The following FAM107B variants were observed in gnomAD, a reference collection of about 807,000 sequenced individuals.
The protein encoded by FAM107B is protein FAM107B.
A neutral mutation model predicts 31.5 loss-of-function variants in FAM107B; 21 were observed. The ratio of observed to expected loss-of-function variants is 0.67; its 90% confidence interval spans 0.47 to 0.96. The LOEUF (loss-of-function observed/expected upper bound fraction) is 0.96, where lower values mean the gene tolerates loss of function less well. Among genes scored for constraint, FAM107B ranks in the 40% least tolerant of loss-of-function variants. FAM107B has a pLI of 0.00. For missense variants in FAM107B, 452 were observed against 377.1 expected, an observed-to-expected ratio of 1.20 and a Z score of -1.64; for synonymous variants, 157 against 141.5, an observed-to-expected ratio of 1.11 and a Z score of -0.78.
intron 2 of FAM107B, among the ~76,000 whole-genome samples, chr10:14,535,698 C>A (rs1284396398): frequency 6.6e-6 from 1 of 152,324 alleles, no homozygotes; most frequent in East Asian, 1.9e-4. Flanking sequence ...AAGGGCCTCT[C>A]GTGCTGTTCT....
intron 1 of FAM107B, among the ~76,000 whole-genome samples, chr10:14,733,892 A>G (rs2131563117): frequency 6.6e-6 from 1 of 152,216 alleles, no homozygotes; most frequent in South Asian, 2.1e-4. Flanking sequence ...AACTGCATAA[A>G]CCCTTTGGAA....
At position 14,628,119 on chromosome 10, in the gene FAM107B, T is replaced by TTTGTTTTTTTTTTTTTG. The variant is rs1458599256; in HGVS notation, c.469+39514_469+39515insCAAAAAAAAAAAAACAA. On this transcript the variant is annotated intron_variant, in intron 2 of 4. Coordinates refer to ENST00000181796, the MANE Select transcript of FAM107B (RefSeq NM_031453.4). ...TTGTTTTTTGTTTTGCTGGTTTTTT[T>TTTGTTTTTTTTTTTTTG]TTTTTTTTTTTTTTGAGATGGAGTT... Among the ~76,000 whole-genome samples the TTTGTTTTTTTTTTTTTG allele has an allele frequency of 3.2e-5, 4 of 123,126 alleles. 1 individual carries two copies. The highest frequency in any genetic ancestry group is 3.0e-4 in the South Asian group (1 of 3,346). The allele number at this position is 123,126 out of a possible 152,430, so 80.8% of individuals were successfully genotyped here. A position where few individuals can be genotyped will look rare whatever the true frequency, so the allele number is the denominator to read the frequency against.
intron 2 of FAM107B, among the ~76,000 whole-genome samples, chr10:14,530,809 T>G (rs1056285008): frequency 1.3e-5 from 2 of 152,210 alleles, no homozygotes; most frequent in African/African-American, 4.8e-5. Flanking sequence ...GGATGCTTCC[T>G]GCCACCCTGT....
chr10:14,629,457 T>TTTAATATATATATAACATATATAA (rs1853287401), intron 2 of FAM107B, among the ~76,000 whole-genome samples: 1 of 36,892 alleles, frequency 2.7e-5, no homozygotes, highest in African/African-American at 1.2e-4. Flanking sequence ...TATATATATA[T>TTTAATATATATATAACATATATAA]TATATATATA....
intron 2 of FAM107B, among the ~76,000 whole-genome samples, chr10:14,563,278 G>T (rs1471278498): frequency 6.6e-6 from 1 of 152,130 alleles, no homozygotes; most frequent in African/African-American, 2.4e-5. Flanking sequence ...AAAGCAATGT[G>T]CTGATCACAC....
intron 3 of FAM107B, among the ~76,000 whole-genome samples, chr10:14,522,535 C>A (rs765550665): frequency 1.4e-4 from 22 of 152,056 alleles, no homozygotes; most frequent in Non-Finnish European, 2.6e-4. Flanking sequence ...CCTGCCTCAG[C>A]CTCTGGAGTA....
chr10:14,591,420 G>C (rs946077526), intron 2 of FAM107B, among the ~76,000 whole-genome samples: 9 of 152,180 alleles, frequency 5.9e-5, no homozygotes, highest in African/African-American at 2.2e-4. Context: ...CACAGTAACT[G>C]CAAGAGCCAA....
chr10:14,573,576 CAAAAA>C (rs774786735), intron 2 of FAM107B, among the ~76,000 whole-genome samples: 3 of 122,052 alleles, frequency 2.5e-5, no homozygotes, highest in Non-Finnish European at 3.3e-5. Flanking sequence ...ATTAAAAATA[CAAAAA>C]AAAAAAAAAA....
chr10:14,562,670 C>G (rs1401147638), intron 2 of FAM107B, among the ~76,000 whole-genome samples: 2 of 152,192 alleles, frequency 1.3e-5, no homozygotes, highest in African/African-American at 4.8e-5. Flanking sequence ...TTATTAGTTG[C>G]AAACATCCTT....
At chr10:14,590,006 T>C (rs753709980) in intron 2 of FAM107B, among the ~76,000 whole-genome samples, 1 of 152,186 alleles carries the variant, frequency 6.6e-6, no homozygotes, top group Non-Finnish European at 1.5e-5. Context: ...GTAAGAAGCA[T>C]TTAACATGTT....
chr10:14,591,684 G>A (rs778837272), intron 2 of FAM107B, among the ~76,000 whole-genome samples: 1 of 152,174 alleles, frequency 6.6e-6, no homozygotes, highest in East Asian at 1.9e-4. Flanking sequence ...GGACCCCAAC[G>A]CTCAGTTTTA....
chr10:14,624,539 G>A (rs7916569), intron 2 of FAM107B, among the ~76,000 whole-genome samples: 147,083 of 152,040 alleles, frequency 0.97, 71,350 homozygotes, highest in Middle Eastern at 1. Flanking sequence ...GGGAGGCTGA[G>A]GCAGGAGAAT....
At chr10:14,631,741 G>A (rs910817694) in intron 2 of FAM107B, among the ~76,000 whole-genome samples, 1 of 152,048 alleles carries the variant, frequency 6.6e-6, no homozygotes, top group Non-Finnish European at 1.5e-5. Flanking sequence ...GCTCCACAGT[G>A]AATTGCACCC....
At chr10:14,695,453 G>C (rs191974251) in intron 1 of FAM107B, among the ~76,000 whole-genome samples, 1 of 152,226 alleles carries the variant, frequency 6.6e-6, no homozygotes, top group African/African-American at 2.4e-5. Context: ...TCTTTCTGAA[G>C]ACAGCTTTGG....
At chr10:14,560,821 T>C (rs566717055) in intron 2 of FAM107B, among the ~76,000 whole-genome samples, 1 of 152,332 alleles carries the variant, frequency 6.6e-6, no homozygotes, top group African/African-American at 2.4e-5. Context: ...AAAGCCCCGA[T>C]GTTTACATAT....
At chr10:14,738,840 T>C (rs542375725) in intron 1 of FAM107B, among the ~76,000 whole-genome samples, 4 of 152,354 alleles carry the variant, frequency 2.6e-5, no homozygotes, top group Non-Finnish European at 4.4e-5. Flanking sequence ...CTGGACATTG[T>C]TGCTGTGTAA....
chr10:14,719,281 G>A (rs1410786193), intron 1 of FAM107B, among the ~76,000 whole-genome samples: 1 of 152,144 alleles, frequency 6.6e-6, no homozygotes, highest in Non-Finnish European at 1.5e-5. Flanking sequence ...CTATTTTCTT[G>A]CCTCTAAAAT....
intron 2 of FAM107B, among the ~76,000 whole-genome samples, chr10:14,594,992 T>C (rs1852139437): frequency 6.6e-6 from 1 of 152,078 alleles, no homozygotes; most frequent in Non-Finnish European, 1.5e-5. Context: ...AGAAACACTA[T>C]GCTACATGAA....
At chr10:14,630,418 A>G (rs969779961) in intron 2 of FAM107B, among the ~76,000 whole-genome samples, 1 of 152,180 alleles carries the variant, frequency 6.6e-6, no homozygotes, top group Non-Finnish European at 1.5e-5. Context: ...ACAAGAAAAA[A>G]AAATGCACTG....
Sources: gnomAD v4.1 joint callset for allele counts (sites outside exome capture counted in the v4.1 genomes callset) on GRCh38, gnomAD v4.1.1 for gene constraint, MANE v1.5 for transcripts, NCBI Gene and HGNC (gene_info 2026-07-23, HGNC 2026-07-21) for gene names.